The following HSP90AA1 variants were observed in gnomAD, a reference collection of about 807,000 sequenced individuals.
HSP90AA1 encodes heat shock protein 90 alpha family class A member 1.
HSP90AA1 carries 18 observed loss-of-function variants against 73.3 expected under a neutral mutation model. That is an observed-to-expected ratio of 0.25 (90% CI 0.17 to 0.36). The LOEUF (loss-of-function observed/expected upper bound fraction) is 0.36, where lower values mean the gene tolerates loss of function less well. Among genes scored for constraint, HSP90AA1 ranks in the 10% least tolerant of loss-of-function variants. The pLI is 1.00. For synonymous variants in HSP90AA1, 477 were observed against 296.9 expected (o/e 1.61, Z -6.24); for missense variants, 704 against 874.2 (o/e 0.81, Z 2.45).
In HSP90AA1 at chr14:102,081,269, C is replaced by CTAG. The variant is rs1426971092; in HGVS notation, c.*440_*442dup. 6 of 272,122 alleles carry CTAG rather than the reference C, an allele frequency of 2.2e-5. No individual in the cohort carries two copies. The highest frequency in any genetic ancestry group is 4.3e-5 in the Non-Finnish European group (6 of 140,784). The allele number at this position is 272,122 out of a possible 1,614,324, so 16.9% of individuals were successfully genotyped here. A position where few individuals can be genotyped will look rare whatever the true frequency, so the allele number is the denominator to read the frequency against. On this transcript the variant is annotated 3_prime_UTR_variant, in exon 11 of 11. Coordinates refer to ENST00000216281, the MANE Select transcript of HSP90AA1 (RefSeq NM_005348.4). Reference sequence around the variant, plus strand: ...TTCAGTTTAACCTATTTCTAGAGGACTAGTACATGCAGAATTGTCAACTAC... The same window carrying CTAG: ...TTCAGTTTAACCTATTTCTAGAGGACTAGTAGTACATGCAGAATTGTCAACTAC...
chr14:102,085,652 G>T, intron 3 of HSP90AA1, 106 bp downstream of exon 3: 1 of 1,531,764 alleles, frequency 6.5e-7, no homozygotes. Flanking sequence ...CCTGATCGTT[G>T]GGCAAACACA....
intron 2 of HSP90AA1, among the ~76,000 whole-genome samples, chr14:102,095,335 GC>G (rs1446072963): frequency 1.3e-5 from 2 of 152,124 alleles, no homozygotes; most frequent in African/African-American, 4.8e-5. Context: ...GGGTGTGGGA[GC>G]ACCTGTGGGA....
rs551270474 is a variant in HSP90AA1, at chr14:102,115,128, C to T, written c.156-13043G>A. On this transcript the variant is annotated intron_variant, in intron 1 of 11. Coordinates refer to the HSP90AA1 transcript ENST00000334701. ...CGCCACTGCACTCCAGCCTGGGCCA[C>T]AGAGCAAGAAAAAAAAAAAAATTAG... Among the ~76,000 whole-genome samples the T allele has an allele frequency of 5.6e-3, 599 of 107,428 alleles. 10 individuals are homozygous for T. The East Asian group carries it at 0.08, about 14-fold the overall frequency. The allele number at this position is 107,428 out of a possible 152,430, so 70.5% of individuals were successfully genotyped here.
upstream of HSP90AA1, chr14:102,087,109 A>G (rs1402599980): frequency 9.1e-6 from 9 of 983,864 alleles, no homozygotes; most frequent in Non-Finnish European, 1.1e-5. Flanking sequence ...CGCTTTTTCC[A>G]GAAGCCTCCC....
intron 1 of HSP90AA1, among the ~76,000 whole-genome samples, chr14:102,102,302 C>G (rs968730162): frequency 9.2e-5 from 14 of 152,158 alleles, no homozygotes; most frequent in African/African-American, 3.4e-4. Context: ...CTGGGCTTCT[C>G]TGTGGATGCT....
intron 1 of HSP90AA1, among the ~76,000 whole-genome samples, chr14:102,123,327 T>TA (rs2049801472): frequency 6.6e-6 from 1 of 151,750 alleles, no homozygotes; most frequent in African/African-American, 2.4e-5. Flanking sequence ...TGGGAGGCAG[T>TA]AGTGAGCCAA....
chr14:102,088,337 G>A (rs1265809364), upstream of HSP90AA1, among the ~76,000 whole-genome samples: 6 of 152,108 alleles, frequency 3.9e-5, no homozygotes, highest in South Asian at 6.2e-4. Flanking sequence ...GCCGCCTCCT[G>A]CCTAGACTCA....
intron 1 of HSP90AA1, among the ~76,000 whole-genome samples, chr14:102,108,918 T>C (rs1415117631): frequency 1.3e-5 from 2 of 152,230 alleles, no homozygotes; most frequent in African/African-American, 2.4e-5. Flanking sequence ...GGTCATTCTC[T>C]TCCTGACTTT....
rs954116788 is a variant in HSP90AA1 at position 102,081,401 on chromosome 14, G to T, written c.*311C>A. 2.1e-6 allele frequency: 1 copy of T among 467,980 alleles called. No individual in the cohort carries two copies. Among genetic ancestry groups the T allele is most frequent in the East Asian group, 3.7e-5 (1 of 26,956 alleles). The allele number at this position is 467,980 out of a possible 1,614,324, so 29.0% of individuals were successfully genotyped here. On this transcript the variant is annotated 3_prime_UTR_variant, in exon 11 of 11. Transcript: ENST00000216281. ...TCAATAACAAGATTTGGTCTACTTA[G>T]GCATCCGGCTTGACAGCTAAACACT...
At chr14:102,097,956 C>T (rs968406593) in intron 2 of HSP90AA1, among the ~76,000 whole-genome samples, 4 of 152,136 alleles carry the variant, frequency 2.6e-5, no homozygotes, top group Admixed American at 1.3e-4. Flanking sequence ...CACCCCAGCA[C>T]CCGGCTAGTT....
upstream of HSP90AA1, among the ~76,000 whole-genome samples, chr14:102,087,530 T>G (rs944011148): frequency 1.3e-5 from 2 of 151,210 alleles, no homozygotes; most frequent in Non-Finnish European, 3.0e-5. Context: ...GCGGCCCGGG[T>G]CTCACGCGCC....
At position 102,083,535 on chromosome 14, in the gene HSP90AA1, T is replaced by C. The variant is rs773053692; in HGVS notation, c.1486+11A>G. 39 of 1,612,376 alleles carry C rather than the reference T, an allele frequency of 2.4e-5. No homozygotes were observed. The South Asian group carries it at 3.8e-4, about 16-fold the overall frequency. ...AACGACGTGTATGACTGTAACATAG[T>C]GTTCTCTTACCTGTGATATAATAGA... On this transcript the variant is annotated intron_variant, in intron 8 of 10. Transcript: ENST00000216281.
Position 102,108,032 on chromosome 14 carries a change from A to G in HSP90AA1, c.156-5947T>C, listed in dbSNP as rs145249562. ...GTAATACCAGCACTTTGGGACGCCAAAACACGAGCATTGCTTGAGACCATT... is the reference window on the plus strand; with the variant it reads ...GTAATACCAGCACTTTGGGACGCCAGAACACGAGCATTGCTTGAGACCATT... On this transcript the variant is annotated intron_variant, in intron 1 of 11. Coordinates refer to the HSP90AA1 transcript ENST00000334701. Among the ~76,000 whole-genome samples the G allele has an allele frequency of 6.1e-3, 922 of 151,574 alleles. 7 individuals carry two copies. Among genetic ancestry groups the G allele is most frequent in the Middle Eastern group, 0.017 (5 of 294 alleles).
chr14:102,085,452 A>G (rs753163519), intron 3 of HSP90AA1, 21 bp from the exon 4 acceptor site: 26 of 1,463,038 alleles, frequency 1.8e-5, no homozygotes, highest in African/African-American at 2.2e-5. Flanking sequence ...AGAAAGAAAA[A>G]TTGACTTAAT....
intron 1 of HSP90AA1, among the ~76,000 whole-genome samples, chr14:102,105,215 AAAAC>A (rs1255495251): frequency 7.4e-6 from 1 of 134,408 alleles, no homozygotes; most frequent in Non-Finnish European, 1.6e-5. Flanking sequence ...TCAAAAAAAA[AAAAC>A]AAAAAAAAAA....
intron 1 of HSP90AA1, among the ~76,000 whole-genome samples, chr14:102,135,785 G>GGGCT (rs1234361190): frequency 6.6e-6 from 1 of 152,230 alleles, no homozygotes. Flanking sequence ...GGGGCCAGCA[G>GGGCT]GGCTGGCTGG....
intron 10 of HSP90AA1, 29 bp downstream of exon 10, chr14:102,082,082 T>C: frequency 1.4e-6 from 2 of 1,458,196 alleles, no homozygotes; most frequent in Non-Finnish European, 9.6e-7. Flanking sequence ...GTTTATTTTC[T>C]TTTTAACATT....
At chr14:102,095,422 C>T (rs1489689680) in intron 2 of HSP90AA1, among the ~76,000 whole-genome samples, 2 of 152,166 alleles carry the variant, frequency 1.3e-5, no homozygotes, top group Non-Finnish European at 2.9e-5. Flanking sequence ...GCGGAAGCCT[C>T]AGTCTGCATC....
At chr14:102,094,412 C>T (rs906615194) in intron 2 of HSP90AA1, among the ~76,000 whole-genome samples, 1 of 152,210 alleles carries the variant, frequency 6.6e-6, no homozygotes, top group African/African-American at 2.4e-5. Context: ...GTGGTCGAGG[C>T]AGGCATAAAG....
Sources: allele counts gnomAD v4.1 joint callset (sites outside exome capture counted in the v4.1 genomes callset), GRCh38; gene constraint gnomAD v4.1.1; transcripts MANE v1.5; gene names NCBI Gene and HGNC (gene_info 2026-07-23, HGNC 2026-07-21).